Variants in LRMDA observed in about 807,000 individuals in gnomAD.
LRMDA encodes the protein leucine rich melanocyte differentiation associated.
In LRMDA, 18 loss-of-function variants were observed where a neutral mutation model predicts 29.8. That is an observed-to-expected ratio of 0.60 (90% CI 0.42 to 0.90). The LOEUF (loss-of-function observed/expected upper bound fraction) is 0.90. LRMDA is among the 40% of genes least tolerant of loss of function. LRMDA has a pLI of 0.00. For synonymous variants in LRMDA, 125 were observed against 109.4 expected (o/e 1.14, Z -0.89); for missense variants, 273 against 273.9 (o/e 1.00, Z 0.02).
intron 5 of LRMDA, among the ~76,000 whole-genome samples, chr10:76,258,651 C>T (rs933022159): frequency 2.1e-4 from 32 of 152,168 alleles, no homozygotes; most frequent in South Asian, 2.1e-4. Context: ...ATCTCTTCCA[C>T]TTTTCATTTC....
At chr10:76,239,542 C>G (rs552387383) in intron 5 of LRMDA, among the ~76,000 whole-genome samples, 2 of 151,896 alleles carry the variant, frequency 1.3e-5, no homozygotes, top group African/African-American at 4.8e-5. Flanking sequence ...ATCTCCCTCC[C>G]CTTCTCCTTT....
At chr10:75,883,724 AG>A (rs1056858902) in intron 2 of LRMDA, among the ~76,000 whole-genome samples, 1 of 151,672 alleles carries the variant, frequency 6.6e-6, no homozygotes, top group Non-Finnish European at 1.5e-5. Flanking sequence ...TGAAAGGAGG[AG>A]GGGGGAGAGG....
chr10:76,239,221 G>A (rs1446296259), intron 5 of LRMDA, among the ~76,000 whole-genome samples: 2 of 152,056 alleles, frequency 1.3e-5, no homozygotes, highest in African/African-American at 2.4e-5. Flanking sequence ...CAGGGGAGAG[G>A]CCCTGATCTT....
chr10:76,145,290 G>A (rs1850291747), intron 5 of LRMDA, among the ~76,000 whole-genome samples: 1 of 152,118 alleles, frequency 6.6e-6, no homozygotes. Context: ...TTCACCTCTG[G>A]TAGAATTTGG....
chr10:76,114,473 G>T (rs16932867), intron 5 of LRMDA, among the ~76,000 whole-genome samples: 1 of 152,108 alleles, frequency 6.6e-6, no homozygotes, highest in Non-Finnish European at 1.5e-5. Context: ...GTGAAAAAGG[G>T]CCCATCCTGG....
intron 2 of LRMDA, among the ~76,000 whole-genome samples, chr10:75,614,346 G>T (rs760261543): frequency 4.6e-5 from 7 of 152,140 alleles, no homozygotes; most frequent in Non-Finnish European, 8.8e-5. Flanking sequence ...AGAGACTGAC[G>T]GGAAGGGATG....
intron 2 of LRMDA, among the ~76,000 whole-genome samples, chr10:76,010,077 C>T (rs1437638468): frequency 1.3e-5 from 2 of 152,088 alleles, no homozygotes; most frequent in Admixed American, 6.5e-5. Flanking sequence ...TGAAGGTGGC[C>T]GCCTTTTCTC....
intron 2 of LRMDA, among the ~76,000 whole-genome samples, chr10:75,866,528 A>G (rs558571116): frequency 6.6e-6 from 1 of 152,328 alleles, no homozygotes; most frequent in South Asian, 2.1e-4. Flanking sequence ...AGAGAGAGGC[A>G]TGGGCAGCTG....
chr10:76,020,682 C>T (rs1847960210), intron 2 of LRMDA, among the ~76,000 whole-genome samples: 1 of 152,184 alleles, frequency 6.6e-6, no homozygotes, highest in Non-Finnish European at 1.5e-5. Context: ...CTCCAGGTTC[C>T]CCTGGCAGCT....
intron 6 of LRMDA, among the ~76,000 whole-genome samples, chr10:76,421,555 G>A (rs1223052718): frequency 2.6e-5 from 4 of 152,160 alleles, no homozygotes; most frequent in East Asian, 1.9e-4. Flanking sequence ...TGACACAGCC[G>A]CCCTTTTTCT....
intron 2 of LRMDA, among the ~76,000 whole-genome samples, chr10:75,643,916 G>A (rs1841483332): frequency 6.6e-6 from 1 of 152,114 alleles, no homozygotes; most frequent in Non-Finnish European, 1.5e-5. Context: ...AGTTATTTCA[G>A]CAGAGTTTTA....
At chr10:76,275,015 C>T (rs1840113462) in intron 5 of LRMDA, among the ~76,000 whole-genome samples, 1 of 152,162 alleles carries the variant, frequency 6.6e-6, no homozygotes, top group South Asian at 2.1e-4. Context: ...TAGCTCTCCA[C>T]TCCTGAATTC....
chr10:76,030,104 C>T (rs565453564), intron 2 of LRMDA, among the ~76,000 whole-genome samples: 8 of 152,304 alleles, frequency 5.3e-5, no homozygotes, highest in Non-Finnish European at 1.2e-4. Flanking sequence ...GTCGCCCAGG[C>T]TAGATGCAGT....
intron 5 of LRMDA, among the ~76,000 whole-genome samples, chr10:76,253,708 A>G (rs1183729283): frequency 1.3e-5 from 2 of 152,144 alleles, no homozygotes; most frequent in South Asian, 2.1e-4. Flanking sequence ...CAACAAAAAT[A>G]TTTGCCCAAA....
chr10:76,183,986 T>C (rs1490894888), intron 5 of LRMDA, among the ~76,000 whole-genome samples: 1 of 151,880 alleles, frequency 6.6e-6, no homozygotes, highest in Admixed American at 6.6e-5. Flanking sequence ...CCTTCCAAAG[T>C]GCTGGGATTA....
chr10:76,111,649 ATAATT>A (rs1849580607), intron 5 of LRMDA, among the ~76,000 whole-genome samples: 1 of 152,272 alleles, frequency 6.6e-6, no homozygotes, highest in Non-Finnish European at 1.5e-5. Flanking sequence ...AAGAGTTTGT[ATAATT>A]TAACACACAA....
rs116293013 is a variant in LRMDA, at chr10:75,931,383, A to C, written c.132-104625A>C. Among the ~76,000 whole-genome samples the C allele has an allele frequency of 5.2e-3, 799 of 152,296 alleles. 10 individuals carry two copies. The highest frequency in any genetic ancestry group is 0.019 in the African/African-American group (779 of 41,560). Reference sequence around the variant, plus strand: ...TGTGTCTAAATTGTCATCATTAATTAAGTAGTGTTTCATATTAAAGGCTCT... The same window carrying C: ...TGTGTCTAAATTGTCATCATTAATTCAGTAGTGTTTCATATTAAAGGCTCT... On this transcript the variant is annotated intron_variant, in intron 2 of 6. Transcript: ENST00000611255.
chr10:75,744,483 G>A (rs979326044), intron 2 of LRMDA, among the ~76,000 whole-genome samples: 3 of 152,168 alleles, frequency 2.0e-5, no homozygotes, highest in Non-Finnish European at 4.4e-5. Flanking sequence ...CTACTTGAGT[G>A]AACCACATGT....
chr10:75,751,991 G>C (rs922229244), intron 2 of LRMDA, among the ~76,000 whole-genome samples: 25 of 151,768 alleles, frequency 1.6e-4, no homozygotes, highest in Admixed American at 7.9e-4. Flanking sequence ...AAAATGACGA[G>C]TTTGGTGCTG....
Sources: gnomAD v4.1 joint callset for allele counts (sites outside exome capture counted in the v4.1 genomes callset) on GRCh38, gnomAD v4.1.1 for gene constraint, MANE v1.5 for transcripts, NCBI Gene and HGNC (gene_info 2026-07-23, HGNC 2026-07-21) for gene names.